NUBPL: variants seen among roughly 807,000 people sequenced by gnomAD.
NUBPL encodes iron-sulfur cluster transfer protein NUBPL.
A neutral mutation model predicts 45.7 loss-of-function variants in NUBPL; 31 were observed. The observed-to-expected ratio is 0.68, with a 90% CI of 0.51 to 0.92. The LOEUF is 0.92. Among genes scored for constraint, NUBPL ranks in the 40% least tolerant of loss-of-function variants. NUBPL has a pLI of 0.00. For missense variants in NUBPL, 401 were observed against 398.7 expected (o/e 1.01, Z -0.05); for synonymous variants, 144 against 140.9 (o/e 1.02, Z -0.15).
intron 7 of NUBPL, among the ~76,000 whole-genome samples, chr14:31,807,405 C>A (rs1162122173): frequency 6.6e-6 from 1 of 152,154 alleles, no homozygotes. Flanking sequence ...TGTCTGTTGG[C>A]TGCATAAATG....
At chr14:31,767,705 G>GT (rs2038938605) in intron 6 of NUBPL, among the ~76,000 whole-genome samples, 1 of 138,892 alleles carries the variant, frequency 7.2e-6, no homozygotes, top group African/African-American at 3.5e-5. Context: ...ATTTTGTTTT[G>GT]TGTTTTTTTT....
chr14:31,810,983 A>G (rs908330974), intron 7 of NUBPL, among the ~76,000 whole-genome samples: 1 of 152,134 alleles, frequency 6.6e-6, no homozygotes, highest in Non-Finnish European at 1.5e-5. Flanking sequence ...CTGGCGAGAG[A>G]TCCACTGTTA....
intron 4 of NUBPL, among the ~76,000 whole-genome samples, chr14:31,634,240 C>T (rs1381437956): frequency 1.1e-5 from 1 of 92,362 alleles, no homozygotes. Flanking sequence ...CCTCCCCCCA[C>T]CCCCCACCCC....
intron 8 of NUBPL, among the ~76,000 whole-genome samples, chr14:31,829,360 A>C (rs901408143): frequency 3.3e-5 from 5 of 152,132 alleles, no homozygotes; most frequent in Admixed American, 2.0e-4. Flanking sequence ...TTAAACCTGC[A>C]GAACAAGATA....
At chr14:31,724,846 A>G (rs538557473) in intron 6 of NUBPL, among the ~76,000 whole-genome samples, 117 of 152,322 alleles carry the variant, frequency 7.7e-4, no homozygotes, top group African/African-American at 2.7e-3. Context: ...AAAAAAGGCA[A>G]GATAAGACAA....
At chr14:31,642,186 T>A (rs1214011283) in intron 4 of NUBPL, among the ~76,000 whole-genome samples, 1 of 152,194 alleles carries the variant, frequency 6.6e-6, no homozygotes, top group Non-Finnish European at 1.5e-5. Context: ...TTTAGCTTGG[T>A]ATGATCCCAT....
intron 3 of NUBPL, among the ~76,000 whole-genome samples, chr14:31,578,494 G>A (rs1159619367): frequency 6.6e-6 from 1 of 152,212 alleles, no homozygotes; most frequent in African/African-American, 2.4e-5. Context: ...GCTTGGGTCA[G>A]CACCACTGTG....
intron 2 of NUBPL, 150 bp from the exon 3 acceptor site, chr14:31,564,864 A>G (rs1422891997): frequency 1.9e-6 from 1 of 526,334 alleles, no homozygotes; most frequent in Non-Finnish European, 3.4e-6. Flanking sequence ...AGTAAGGGAT[A>G]TATGTTCAAA....
intron 8 of NUBPL, chr14:31,843,811 C>G (rs2040412587): frequency 6.6e-6 from 1 of 152,208 alleles, no homozygotes; most frequent in African/African-American, 2.4e-5. Flanking sequence ...ATCAAGTCCT[C>G]TCTGTTCTAC....
At chr14:31,663,024 G>C (rs948887304) in intron 4 of NUBPL, among the ~76,000 whole-genome samples, 1 of 152,032 alleles carries the variant, frequency 6.6e-6, no homozygotes, top group South Asian at 2.1e-4. Flanking sequence ...ATATTTGTTG[G>C]CTACATAAAT....
intron 6 of NUBPL, among the ~76,000 whole-genome samples, chr14:31,703,608 A>G (rs12887952): frequency 0.3 from 44,938 of 151,592 alleles, 7,494 homozygotes; most frequent in South Asian, 0.41. Context: ...GAAACTCCCA[A>G]TTTTAAAACC....
intron 6 of NUBPL, among the ~76,000 whole-genome samples, chr14:31,784,778 A>G (rs562312287): frequency 2.6e-5 from 4 of 152,338 alleles, no homozygotes; most frequent in East Asian, 3.9e-4. Flanking sequence ...TATCAAGTAC[A>G]TGTGTTTGGG....
chr14:31,783,998 C>A (rs1024555639), intron 6 of NUBPL, among the ~76,000 whole-genome samples: 1 of 152,066 alleles, frequency 6.6e-6, no homozygotes, highest in Non-Finnish European at 1.5e-5. Flanking sequence ...GGAAAATGAT[C>A]CTTCATCTTT....
At chr14:31,638,920 T>C (rs930097832) in intron 4 of NUBPL, among the ~76,000 whole-genome samples, 6 of 152,256 alleles carry the variant, frequency 3.9e-5, no homozygotes. Context: ...TCTTGAGCCT[T>C]GGCTTTCAGC....
chr14:31,800,222 C>T (rs948126058), intron 7 of NUBPL, among the ~76,000 whole-genome samples: 15 of 152,142 alleles, frequency 9.9e-5, no homozygotes, highest in African/African-American at 3.1e-4. Context: ...AATCTTGAAC[C>T]CCCAAAAGTC....
intron 7 of NUBPL, among the ~76,000 whole-genome samples, chr14:31,807,650 C>T (rs554232330): frequency 5.3e-5 from 8 of 152,136 alleles, no homozygotes; most frequent in South Asian, 2.1e-4. Context: ...GTCAATTTTT[C>T]CTTTTGTTGC....
At position 31,633,892 on chromosome 14, in the gene NUBPL, T is replaced by C. The variant is rs1258055090; in HGVS notation, c.382+34513T>C. ...TTATATAATGCAATTTTCGATATAATTGCCGTTCTGGTTGCCTTTCTAGCC... is the reference window on the plus strand; with the variant it reads ...TTATATAATGCAATTTTCGATATAACTGCCGTTCTGGTTGCCTTTCTAGCC... On this transcript the variant is annotated intron_variant, in intron 4 of 10. Transcript: ENST00000281081. Among the ~76,000 whole-genome samples, 3 of 152,116 alleles carry C rather than the reference T, an allele frequency of 2.0e-5. 1 individual carries two copies. Among genetic ancestry groups the C allele is most frequent in the Non-Finnish European group, 4.4e-5 (3 of 68,030 alleles).
intron 2 of NUBPL, among the ~76,000 whole-genome samples, chr14:31,562,446 T>A (rs2033313643): frequency 6.6e-6 from 1 of 152,198 alleles, no homozygotes; most frequent in Admixed American, 6.5e-5. Flanking sequence ...GGTCAGATTG[T>A]ACAGCAAATC....
rs527913546 is a variant in NUBPL at position 31,725,095 on chromosome 14, A to G, written c.513+51521A>G. Among the ~76,000 whole-genome samples the G allele has an allele frequency of 2.0e-5, 3 of 152,208 alleles. No homozygotes were observed. The East Asian group carries it at 5.8e-4, about 29-fold the overall frequency. ...AGCAATTGGAAGTTTAGGGTAGTAAAAGGGACATGATTTGGTTGTTTTAAA... is the reference window on the plus strand; with the variant it reads ...AGCAATTGGAAGTTTAGGGTAGTAAGAGGGACATGATTTGGTTGTTTTAAA... On this transcript the variant is annotated intron_variant, in intron 6 of 10. Coordinates refer to ENST00000281081, the MANE Select transcript of NUBPL (RefSeq NM_025152.3).
Sources: gnomAD v4.1 joint callset for allele counts (sites outside exome capture counted in the v4.1 genomes callset) on GRCh38, gnomAD v4.1.1 for gene constraint, MANE v1.5 for transcripts, NCBI Gene and HGNC (gene_info 2026-07-23, HGNC 2026-07-21) for gene names.